RASA3: variants seen among roughly 807,000 people sequenced by gnomAD.
RASA3 encodes the protein ras GTPase-activating protein 3.
In RASA3, 73 loss-of-function variants were observed where a neutral mutation model predicts 110.0. The ratio of observed to expected loss-of-function variants is 0.66; its 90% CI spans 0.55 to 0.81. The LOEUF is 0.81. Among genes scored for constraint, RASA3 ranks in the 30% least tolerant of loss-of-function variants. RASA3 has a pLI of 0.00. For missense variants in RASA3, 976 were observed against 1,113.2 expected, an observed-to-expected ratio of 0.88 and a Z score of 1.75; for synonymous variants, 500 against 451.4, an observed-to-expected ratio of 1.11 and a Z score of -1.37.
intron 1 of RASA3, among the ~76,000 whole-genome samples, chr13:114,129,421 C>A (rs1374061380): frequency 6.6e-6 from 1 of 152,288 alleles, no homozygotes; most frequent in East Asian, 1.9e-4. Flanking sequence ...ACCTCACCTG[C>A]AAGAGCTGGA....
chr13:114,119,109 C>A (rs1246517658), intron 1 of RASA3, among the ~76,000 whole-genome samples: 8 of 140,314 alleles, frequency 5.7e-5, no homozygotes, highest in African/African-American at 1.9e-4. Context: ...CTGGGAAGGG[C>A]ACATGGAGGG....
chr13:114,128,307 CTG>C (rs1410613671), intron 1 of RASA3, among the ~76,000 whole-genome samples: 3 of 152,264 alleles, frequency 2.0e-5, no homozygotes, highest in Non-Finnish European at 4.4e-5. Flanking sequence ...TCTGAAGACA[CTG>C]TTGCTACTTT....
intron 1 of RASA3, among the ~76,000 whole-genome samples, chr13:114,127,614 C>A (rs1428463564): frequency 6.6e-6 from 1 of 152,184 alleles, no homozygotes; most frequent in Non-Finnish European, 1.5e-5. Flanking sequence ...AGAAACAGCT[C>A]TCCAAACTGA....
chr13:114,088,640 C>T (rs927033296), intron 1 of RASA3, among the ~76,000 whole-genome samples: 1 of 152,130 alleles, frequency 6.6e-6, no homozygotes, highest in African/African-American at 2.4e-5. Flanking sequence ...CAACCTCCGC[C>T]TCCCAGGTTC....
intron 1 of RASA3, among the ~76,000 whole-genome samples, chr13:114,087,839 C>T (rs577169201): frequency 3.9e-5 from 6 of 152,382 alleles, no homozygotes; most frequent in African/African-American, 1.2e-4. Context: ...AACCTTAAAT[C>T]GGATAATGAG....
At position 114,112,961 on chromosome 13, in the gene RASA3, C is replaced by T. The variant is rs1338904479; in HGVS notation, c.55+19474G>A. On this transcript the variant is annotated intron_variant, in intron 1 of 23. Transcript: ENST00000334062. The surrounding 1 kb of genome is among the most constrained non-coding windows in gnomAD (Gnocchi z 4.8). ...GGTGGGACTAGGAGGCACTAAAGGC[C>T]TGGGGGCTCAGAGAAAGGCCCAGCC... 6.6e-6 allele frequency among the ~76,000 whole-genome samples: 1 copy of T among 152,122 alleles called. No homozygotes were observed. Among genetic ancestry groups the T allele is most frequent in the Non-Finnish European group, 1.5e-5 (1 of 68,018 alleles).
At chr13:114,004,336 G>A (rs2053466403) in intron 18 of RASA3, among the ~76,000 whole-genome samples, 1 of 148,558 alleles carries the variant, frequency 6.7e-6, no homozygotes, top group Non-Finnish European at 1.5e-5. Context: ...GGGACTAACA[G>A]CCACAATTTA....
chr13:114,052,211 C>G (rs2079157391), intron 2 of RASA3, 56 bp from the exon 3 acceptor site: 3 of 1,210,414 alleles, frequency 2.5e-6, no homozygotes, highest in Non-Finnish European at 2.4e-6. Flanking sequence ...GCGCCTCACC[C>G]CCGGGGCACA....
At chr13:114,061,850 G>A (rs865947778) in intron 2 of RASA3, among the ~76,000 whole-genome samples, 5 of 152,140 alleles carry the variant, frequency 3.3e-5, no homozygotes, top group African/African-American at 9.7e-5. Flanking sequence ...GGATTCAGCC[G>A]TCACCTGTGC....
At chr13:114,090,059 T>C (rs2079871893) in intron 1 of RASA3, among the ~76,000 whole-genome samples, 1 of 152,226 alleles carries the variant, frequency 6.6e-6, no homozygotes, top group African/African-American at 2.4e-5. Flanking sequence ...TGATGGATGT[T>C]TGGGCTGTTC....
chr13:114,076,274 G>A (rs1021562106), intron 1 of RASA3, among the ~76,000 whole-genome samples: 1 of 152,150 alleles, frequency 6.6e-6, no homozygotes, highest in Non-Finnish European at 1.5e-5. Flanking sequence ...AATGATAATC[G>A]GTTGGTGGGA....
chr13:114,038,469 T>A (rs2054324084), intron 4 of RASA3, among the ~76,000 whole-genome samples: 1 of 152,200 alleles, frequency 6.6e-6, no homozygotes, highest in African/African-American at 2.4e-5. Flanking sequence ...GGAAGCAGAG[T>A]TAATTAAGTG....
intron 4 of RASA3, among the ~76,000 whole-genome samples, chr13:114,031,298 TCTGC>T (rs2054163070): frequency 6.6e-6 from 1 of 151,982 alleles, no homozygotes; most frequent in African/African-American, 2.4e-5. Context: ...CCTGTCGGTG[TCTGC>T]CTGTCTGTAT....
intron 2 of RASA3, among the ~76,000 whole-genome samples, chr13:114,052,997 C>A (rs2079175768): frequency 7.2e-6 from 1 of 137,986 alleles, no homozygotes. Flanking sequence ...AGTCCTCGCT[C>A]CTGGGGGAGA....
chr13:113,995,029 G>A (rs2053199954), intron 21 of RASA3, among the ~76,000 whole-genome samples: 1 of 152,240 alleles, frequency 6.6e-6, no homozygotes, highest in African/African-American at 2.4e-5. Flanking sequence ...GCTGGCTGTG[G>A]GTGTGCGGGA....
At chr13:113,990,793 G>A (rs1054175810) in intron 22 of RASA3, among the ~76,000 whole-genome samples, 6 of 152,232 alleles carry the variant, frequency 3.9e-5, no homozygotes, top group Non-Finnish European at 7.3e-5. Context: ...TGCAGGTATT[G>A]TTGCCTTGCC....
intron 3 of RASA3, among the ~76,000 whole-genome samples, chr13:114,042,720 A>T (rs1001870964): frequency 6.6e-6 from 1 of 152,034 alleles, no homozygotes; most frequent in African/African-American, 2.4e-5. Context: ...GTCTCAAAAA[A>T]CTTCCGCAGG....
intron 1 of RASA3, among the ~76,000 whole-genome samples, chr13:114,088,762 C>G (rs1039155771): frequency 1.3e-5 from 2 of 152,148 alleles, no homozygotes; most frequent in Admixed American, 6.5e-5. Context: ...GTTGGTCAGG[C>G]TGGTCTTGAA....
Position 113,979,203 on chromosome 13 carries a change from G to T in RASA3, c.*144C>A, listed in dbSNP as rs552236041. 30 of 783,902 alleles carry T rather than the reference G, an allele frequency of 3.8e-5. No individual in the cohort carries two copies. The South Asian group carries it at 4.4e-4, about 12-fold the overall frequency. The allele number at this position is 783,902 out of a possible 1,614,324, so 48.6% of individuals were successfully genotyped here. A position where few individuals can be genotyped will look rare whatever the true frequency, so the allele number is the denominator to read the frequency against. On this transcript the variant is annotated 3_prime_UTR_variant, in exon 24 of 24. Transcript: ENST00000334062. The stretch of plus-strand genomic sequence containing the variant: ...GTGGTGGCAGCGGTTCTGGGAGAGG[G>T]AAACCCCAGCGCCACTTGTCTATGG...
Sources: allele counts gnomAD v4.1 joint callset (sites outside exome capture counted in the v4.1 genomes callset), GRCh38; gene constraint gnomAD v4.1.1; non-coding constraint Gnocchi (gnomAD v3.1); transcripts MANE v1.5; gene names NCBI Gene and HGNC (gene_info 2026-07-23, HGNC 2026-07-21).